Variants in SEMA3C observed in about 807,000 individuals in gnomAD.
SEMA3C encodes semaphorin-3C.
In SEMA3C, 47 loss-of-function variants were observed where a neutral mutation model predicts 89.4. That is an observed-to-expected ratio of 0.53 (90% CI 0.42 to 0.67). The LOEUF (loss-of-function observed/expected upper bound fraction) is 0.67, where lower values mean the gene tolerates loss of function less well. Among genes scored for constraint, SEMA3C ranks in the 30% least tolerant of loss-of-function variants. The pLI is 0.00. For missense variants in SEMA3C, 839 were observed against 929.1 expected (o/e 0.90, Z 1.26); for synonymous variants, 310 against 320.2 (o/e 0.97, Z 0.34).
intron 13 of SEMA3C, among the ~76,000 whole-genome samples, chr7:80,763,053 A>G (rs3778675): frequency 0.11 from 17,175 of 152,164 alleles, 1,020 homozygotes; most frequent in Admixed American, 0.15. Context: ...CACACATACA[A>G]ATGCTGCAAC....
At position 80,916,765 on chromosome 7, in the gene SEMA3C, A is replaced by G; in HGVS notation, c.17T>C (p.Ile6Thr). 6.2e-7 allele frequency: 1 copy of G among 1,613,528 alleles called. No homozygotes were observed. Among genetic ancestry groups the G allele is most frequent in the Non-Finnish European group, 8.5e-7 (1 of 1,179,636 alleles). ...AATAAATACTCCAACCAACACGCAA[A>G]TTGTCCGGAATGCCATTTCTTCAGA... MAFRT[I>T]CVLVGVFICS... is the part of the protein sequence containing the mutation. Residue 6 changes from isoleucine to threonine, a missense_variant, in exon 2 of 18, where the codon ATT becomes ACT. Physicochemically the swap from Ile to Thr is moderately conservative, Grantham distance 89. Transcript: ENST00000265361.
At chr7:80,852,022 T>G (rs2115941737) in intron 2 of SEMA3C, among the ~76,000 whole-genome samples, 1 of 152,330 alleles carries the variant, frequency 6.6e-6, no homozygotes, top group African/African-American at 2.4e-5. Context: ...TGATCTTCTC[T>G]AAATGCCTGA....
intron 2 of SEMA3C, among the ~76,000 whole-genome samples, chr7:80,904,014 G>A (rs1791948129): frequency 6.6e-6 from 1 of 152,076 alleles, no homozygotes; most frequent in South Asian, 2.1e-4. Context: ...CTATATGTTA[G>A]GCCTGATGAT....
chr7:80,887,957 A>T (rs191389793), intron 2 of SEMA3C, among the ~76,000 whole-genome samples: 1 of 152,214 alleles, frequency 6.6e-6, no homozygotes, highest in African/African-American at 2.4e-5. Flanking sequence ...ACAGAAATGT[A>T]GATTTATGCT....
At chr7:80,893,730 C>T (rs1192735826) in intron 2 of SEMA3C, among the ~76,000 whole-genome samples, 1 of 151,828 alleles carries the variant, frequency 6.6e-6, no homozygotes, top group African/African-American at 2.4e-5. Flanking sequence ...TAGATGTCAT[C>T]CTAGATTTAC....
intron 12 of SEMA3C, among the ~76,000 whole-genome samples, chr7:80,767,427 T>G (rs1309208274): frequency 6.6e-6 from 1 of 152,202 alleles, no homozygotes; most frequent in Non-Finnish European, 1.5e-5. Flanking sequence ...TGTCAAGATT[T>G]ATAAATGGTT....
chr7:80,754,412 G>A (rs566846448), intron 15 of SEMA3C, among the ~76,000 whole-genome samples: 2 of 151,900 alleles, frequency 1.3e-5, no homozygotes, highest in South Asian at 2.1e-4. Context: ...AGTGATCTTC[G>A]TGTTTTGCTT....
intron 2 of SEMA3C, among the ~76,000 whole-genome samples, chr7:80,900,732 G>A (rs1791858305): frequency 6.6e-6 from 1 of 152,166 alleles, no homozygotes; most frequent in Non-Finnish European, 1.5e-5. Context: ...GGTTGGGAGG[G>A]CCCATTCACT....
intron 2 of SEMA3C, among the ~76,000 whole-genome samples, chr7:80,839,799 C>T (rs758731042): frequency 5.3e-5 from 8 of 151,680 alleles, no homozygotes; most frequent in African/African-American, 1.5e-4. Flanking sequence ...CCCAGAACAC[C>T]GAGAATCTAA....
chr7:80,819,866 A>G (rs534703419), intron 4 of SEMA3C, among the ~76,000 whole-genome samples: 1 of 152,248 alleles, frequency 6.6e-6, no homozygotes, highest in South Asian at 2.1e-4. Flanking sequence ...CTATAATTCA[A>G]TCAAGCCTGA....
At chr7:80,909,874 A>T (rs917197100) in intron 2 of SEMA3C, among the ~76,000 whole-genome samples, 7 of 152,178 alleles carry the variant, frequency 4.6e-5, no homozygotes, top group Non-Finnish European at 8.8e-5. Context: ...AGGCACTTAA[A>T]ATATGGTGTT....
At chr7:80,860,776 T>C (rs964566629) in intron 2 of SEMA3C, among the ~76,000 whole-genome samples, 5 of 152,138 alleles carry the variant, frequency 3.3e-5, no homozygotes, top group East Asian at 1.9e-4. Flanking sequence ...CACACAAACA[T>C]CTGTTTGCTC....
At chr7:80,900,511 T>C (rs1424864236) in intron 2 of SEMA3C, among the ~76,000 whole-genome samples, 2 of 152,206 alleles carry the variant, frequency 1.3e-5, no homozygotes, top group African/African-American at 4.8e-5. Context: ...TAGCAACTAA[T>C]ATTATCCTAA....
chr7:80,780,129 A>G (rs1016610338), intron 12 of SEMA3C, among the ~76,000 whole-genome samples: 3 of 152,218 alleles, frequency 2.0e-5, no homozygotes, highest in Admixed American at 6.5e-5. Context: ...CTTAAGCCAC[A>G]AATTTTGTGG....
At chr7:80,878,034 G>C (rs1436921081) in intron 2 of SEMA3C, among the ~76,000 whole-genome samples, 1 of 152,050 alleles carries the variant, frequency 6.6e-6, no homozygotes, top group African/African-American at 2.4e-5. Flanking sequence ...TTTGTAAGTT[G>C]AGCCTCTTCC....
chr7:80,871,958 T>C (rs557672604), intron 2 of SEMA3C, among the ~76,000 whole-genome samples: 5 of 152,238 alleles, frequency 3.3e-5, no homozygotes, highest in Non-Finnish European at 7.4e-5. Flanking sequence ...CCTTTTTCAC[T>C]ACAAAATAAC....
At chr7:80,789,071 A>T (rs1353718544) in intron 12 of SEMA3C, among the ~76,000 whole-genome samples, 7 of 151,984 alleles carry the variant, frequency 4.6e-5, no homozygotes, top group Non-Finnish European at 8.8e-5. Context: ...TATATATATT[A>T]TATAATGTAT....
chr7:80,829,580 T>C (rs1045423890), intron 2 of SEMA3C, among the ~76,000 whole-genome samples: 1 of 152,204 alleles, frequency 6.6e-6, no homozygotes, highest in African/African-American at 2.4e-5. Context: ...GGAGGCAATG[T>C]TATTTTTAGC....
intron 10 of SEMA3C, 25 bp downstream of exon 10, chr7:80,800,732 T>C (rs1227881917): frequency 1.4e-6 from 2 of 1,410,250 alleles, no homozygotes; most frequent in Non-Finnish European, 1.9e-6. Context: ...GTTTAACTCA[T>C]AAAATGTAAC....
Sources: allele counts gnomAD v4.1 joint callset (sites outside exome capture counted in the v4.1 genomes callset), GRCh38; gene constraint gnomAD v4.1.1; transcripts MANE v1.5; gene names NCBI Gene and HGNC (gene_info 2026-07-23, HGNC 2026-07-21).